The following RSRC1 variants were observed in gnomAD, a reference collection of about 807,000 sequenced individuals.
RSRC1 encodes the protein serine/Arginine-related protein 53.
RSRC1 carries 39 observed loss-of-function variants against 49.1 expected under a neutral mutation model. That is an observed-to-expected ratio of 0.79 (90% CI 0.61 to 1.04). RSRC1 has a LOEUF of 1.04. RSRC1 is among the 50% of genes least tolerant of loss of function. The pLI is 0.00. For missense variants in RSRC1, 388 were observed against 402.4 expected (o/e 0.96, Z 0.31); for synonymous variants, 143 against 130.8 (o/e 1.09, Z -0.63).
At chr3:158,315,965 G>A (rs12634832) in intron 5 of RSRC1, among the ~76,000 whole-genome samples, 105,753 of 151,766 alleles carry the variant, frequency 0.7, 37,330 homozygotes, top group East Asian at 0.85. Context: ...TGAGCCCAGG[G>A]GTTTGAGACC....
chr3:158,415,337 G>T (rs1187516228), intron 6 of RSRC1, among the ~76,000 whole-genome samples: 1 of 151,940 alleles, frequency 6.6e-6, no homozygotes, highest in East Asian at 1.9e-4. Flanking sequence ...CTCTGCATTT[G>T]AAAACTATTG....
At chr3:158,138,109 G>A (rs1716519316) in intron 3 of RSRC1, among the ~76,000 whole-genome samples, 1 of 152,154 alleles carries the variant, frequency 6.6e-6, no homozygotes, top group African/African-American at 2.4e-5. Context: ...ACCACATTGT[G>A]GGGACCTCTA....
At chr3:158,448,528 A>T (rs1047236960) in intron 6 of RSRC1, among the ~76,000 whole-genome samples, 2 of 151,950 alleles carry the variant, frequency 1.3e-5, no homozygotes, top group Non-Finnish European at 2.9e-5. Context: ...TTCACTTTTT[A>T]TCTCAAATTT....
At chr3:158,531,535 T>C (rs1712400545) in intron 7 of RSRC1, among the ~76,000 whole-genome samples, 1 of 151,962 alleles carries the variant, frequency 6.6e-6, no homozygotes. Flanking sequence ...CAAAGTGGAG[T>C]TCCTTTCAGA....
rs191891352 is a variant in RSRC1, at chr3:158,187,849, G to A, written c.321-15223G>A. ...ATAAGGTTTCAGGTAATTTCGTGTA[G>A]GCTTATATGGATTAGACTGAAAAAC... On this transcript the variant is annotated intron_variant, in intron 3 of 9. Coordinates refer to ENST00000611884, the MANE Select transcript of RSRC1 (RefSeq NM_001271838.2). 5.3e-4 allele frequency among the ~76,000 whole-genome samples: 81 copies of A among 152,032 alleles called. 1 individual carries two copies. The highest frequency in any genetic ancestry group is 9.0e-4 in the Non-Finnish European group (61 of 67,880).
At position 158,228,877 on chromosome 3, in the gene RSRC1, A is replaced by ACATACGTGTATATGTGTATATAAACG. The variant is rs1722685401; in HGVS notation, c.494+25642_494+25643insTATGTGTATATAAACGCATACGTGTA. Among the ~76,000 whole-genome samples the ACATACGTGTATATGTGTATATAAACG allele has an allele frequency of 3.5e-5, 2 of 56,798 alleles. 1 individual carries two copies. Among genetic ancestry groups the ACATACGTGTATATGTGTATATAAACG allele is most frequent in the East Asian group, 2.0e-3 (2 of 986 alleles). The allele number at this position is 56,798 out of a possible 152,430, so 37.3% of individuals were successfully genotyped here. ...CATACGTGTATATATGTATATAAAC[A>ACATACGTGTATATGTGTATATAAACG]CATACGTGTAATGTGTATATAAACA... On this transcript the variant is annotated intron_variant, in intron 4 of 9. Coordinates refer to ENST00000611884, the MANE Select transcript of RSRC1 (RefSeq NM_001271838.2).
intron 7 of RSRC1, among the ~76,000 whole-genome samples, chr3:158,523,293 C>CA (rs1711808205): frequency 6.6e-6 from 1 of 151,946 alleles, no homozygotes; most frequent in Admixed American, 6.6e-5. Context: ...AGTTTCTACT[C>CA]AGAATCAGTT....
chr3:158,326,723 T>A (rs1474022835), intron 5 of RSRC1, among the ~76,000 whole-genome samples: 1 of 152,190 alleles, frequency 6.6e-6, no homozygotes, highest in Non-Finnish European at 1.5e-5. Flanking sequence ...GGCTTTGGTA[T>A]CAGGATGATG....
At chr3:158,203,373 AAG>A (rs1279605456) in intron 4 of RSRC1, 128 bp downstream of exon 4, 2 of 909,644 alleles carry the variant, frequency 2.2e-6, no homozygotes, top group Admixed American at 3.0e-5. Context: ...ATGGAATAAA[AAG>A]AGAGAATACA....
chr3:158,323,870 T>C (rs531786576), intron 5 of RSRC1, among the ~76,000 whole-genome samples: 1 of 152,314 alleles, frequency 6.6e-6, no homozygotes, highest in South Asian at 2.1e-4. Flanking sequence ...GGAAATAAGA[T>C]GCATCATTGC....
chr3:158,261,499 T>C (rs1724892308), intron 4 of RSRC1, among the ~76,000 whole-genome samples: 1 of 152,202 alleles, frequency 6.6e-6, no homozygotes, highest in South Asian at 2.1e-4. Context: ...TCTTTATATA[T>C]TCTGGATTCA....
chr3:158,379,192 CTTTTT>C (rs768767131), intron 6 of RSRC1, among the ~76,000 whole-genome samples: 3 of 93,898 alleles, frequency 3.2e-5, no homozygotes, highest in Admixed American at 1.2e-4. Flanking sequence ...AGAAATACCA[CTTTTT>C]TTTTTTTTTT....
intron 5 of RSRC1, among the ~76,000 whole-genome samples, chr3:158,334,355 T>C (rs781485280): frequency 1.8e-4 from 28 of 152,174 alleles, no homozygotes; most frequent in Non-Finnish European, 3.4e-4. Context: ...TTGTGTGAAA[T>C]TATTTTAAAA....
At chr3:158,314,192 G>A (rs1728278321) in intron 5 of RSRC1, among the ~76,000 whole-genome samples, 1 of 152,088 alleles carries the variant, frequency 6.6e-6, no homozygotes, top group African/African-American at 2.4e-5. Context: ...CCTGATTCAA[G>A]CTATTCTCCT....
At chr3:158,454,336 C>T (rs1737203928) in intron 6 of RSRC1, among the ~76,000 whole-genome samples, 1 of 151,982 alleles carries the variant, frequency 6.6e-6, no homozygotes, top group Admixed American at 6.6e-5. Context: ...GTCATAGAAT[C>T]ATTTTGAGAA....
intron 7 of RSRC1, among the ~76,000 whole-genome samples, chr3:158,498,312 T>C (rs62287867): frequency 0.083 from 12,575 of 152,030 alleles, 559 homozygotes; most frequent in East Asian, 0.12. Flanking sequence ...TCCCTGATCA[T>C]TGGTGATGTT....
chr3:158,288,434 C>T lies in RSRC1; in HGVS notation c.495-9605C>T, dbSNP rs574491485. 1.3e-4 allele frequency among the ~76,000 whole-genome samples: 20 copies of T among 152,266 alleles called. No individual in the cohort carries two copies. The South Asian group carries it at 3.3e-3, about 25-fold the overall frequency. ...TAACTCCAAACAACTGGCCATGACTCCTTACTAAAATGTGTTGAGTTGCAC... is the reference window on the plus strand; with the variant it reads ...TAACTCCAAACAACTGGCCATGACTTCTTACTAAAATGTGTTGAGTTGCAC... On this transcript the variant is annotated intron_variant, in intron 4 of 9. Transcript: ENST00000611884.
At chr3:158,242,049 T>TTC (rs1723620454) in intron 4 of RSRC1, among the ~76,000 whole-genome samples, 1 of 144,086 alleles carries the variant, frequency 6.9e-6, no homozygotes, top group East Asian at 2.0e-4. Flanking sequence ...TTTTTTTTTT[T>TTC]TTTTTTTTTA....
At chr3:158,118,462 T>TGTGTGTGCGTGC (rs1491469875) in intron 1 of RSRC1, among the ~76,000 whole-genome samples, 1 of 124,682 alleles carries the variant, frequency 8.0e-6, no homozygotes, top group African/African-American at 3.3e-5. Context: ...TGTGTGTGTG[T>TGTGTGTGCGTGC]GCGCGTGCGC....
Sources: gnomAD v4.1 joint callset for allele counts (sites outside exome capture counted in the v4.1 genomes callset) on GRCh38, gnomAD v4.1.1 for gene constraint, MANE v1.5 for transcripts, NCBI Gene and HGNC (gene_info 2026-07-23, HGNC 2026-07-21) for gene names.